Variants in TSPAN7 observed in about 807,000 individuals in gnomAD.
TSPAN7 encodes the protein tetraspanin 7, also known as tetraspanin-7.
A neutral mutation model predicts 17.6 loss-of-function variants in TSPAN7; 1 was observed. That is an observed-to-expected ratio of 0.06 (90% CI 0.02 to 0.27). The LOEUF (loss-of-function observed/expected upper bound fraction) is 0.27. Among genes scored for constraint, TSPAN7 ranks in the 10% least tolerant of loss-of-function variants. The pLI, the probability that TSPAN7 is intolerant of heterozygous loss-of-function variation, is 1.00. For missense variants in TSPAN7, 112 were observed against 201.7 expected (o/e 0.56, Z 2.69); for synonymous variants, 78 against 79.0 (o/e 0.99, Z 0.07).
At position 38,666,797 on chromosome X, in the gene TSPAN7, T is replaced by A. The variant is rs1010031953; in HGVS notation, c.270+488T>A. On this transcript the variant is annotated intron_variant, in intron 2 of 7. Transcript: ENST00000378482. ...TTGTATTTTTAGTAGAGACGGGGTT[T>A]CACCATGTTGGCCAGGATGGTCTTG... Among the ~76,000 whole-genome samples, 79 of 110,494 alleles carry A rather than the reference T, an allele frequency of 7.1e-4. 1 individual carries two copies. The highest frequency in any genetic ancestry group is 5.1e-3 in the Admixed American group (53 of 10,364).
intron 6 of TSPAN7, among the ~76,000 whole-genome samples, chrX:38,686,961 GA>G (rs1365244276): frequency 9.1e-6 from 1 of 110,493 alleles, no homozygotes; most frequent in African/African-American, 3.3e-5. Context: ...TTAGGCCTAA[GA>G]TATCTACATG....
chrX:38,641,804 G>C (rs1006488004), intron 1 of TSPAN7, among the ~76,000 whole-genome samples: 1 of 111,639 alleles, frequency 9.0e-6, no homozygotes, highest in African/African-American at 3.3e-5. Context: ...ATGAAAGAGA[G>C]AGTAAATAGG....
At chrX:38,672,216 TAAAAAG>T (rs765673139) in intron 3 of TSPAN7, among the ~76,000 whole-genome samples, 43 of 110,071 alleles carry the variant, frequency 3.9e-4, no homozygotes, top group Non-Finnish European at 6.4e-4. Flanking sequence ...ACACATGTGT[TAAAAAG>T]AAAAAGAAAA....
chrX:38,621,817 T>C (rs1602102462), intron 1 of TSPAN7, among the ~76,000 whole-genome samples: 1 of 112,406 alleles, frequency 8.9e-6, no homozygotes, highest in Non-Finnish European at 1.9e-5. Flanking sequence ...TTCAGAAACA[T>C]AGCATCCAAA....
intron 1 of TSPAN7, among the ~76,000 whole-genome samples, chrX:38,624,465 G>C (rs912985608): frequency 8.9e-6 from 1 of 112,155 alleles, no homozygotes; most frequent in Admixed American, 9.4e-5. Flanking sequence ...ACAGTCGAGA[G>C]ACTTCTCTGT....
At chrX:38,599,785 G>T (rs1229856240) in intron 1 of TSPAN7, among the ~76,000 whole-genome samples, 3 of 111,902 alleles carry the variant, frequency 2.7e-5, no homozygotes, top group Non-Finnish European at 5.7e-5. Context: ...TTTCTTCCAT[G>T]TTGCATATCA....
At chrX:38,650,101 G>A (rs1006277240) in intron 1 of TSPAN7, among the ~76,000 whole-genome samples, 50 of 112,127 alleles carry the variant, frequency 4.5e-4, no homozygotes, top group African/African-American at 1.6e-3. Flanking sequence ...GAAGAATGCA[G>A]CTGATGTGCA....
chrX:38,650,512 G>T (rs1391549752), intron 1 of TSPAN7, among the ~76,000 whole-genome samples: 1 of 111,675 alleles, frequency 9.0e-6, no homozygotes, highest in Non-Finnish European at 1.9e-5. Context: ...GGGCTTTCCT[G>T]TGCCCAGGAA....
intron 1 of TSPAN7, among the ~76,000 whole-genome samples, chrX:38,659,331 C>G (rs962560462): frequency 9.0e-6 from 1 of 111,653 alleles, no homozygotes; most frequent in Non-Finnish European, 1.9e-5. Flanking sequence ...AGAAATGAGC[C>G]AACTTTCCTA....
chrX:38,571,879 TGAG>T (rs918270644), intron 1 of TSPAN7, among the ~76,000 whole-genome samples: 7 of 111,399 alleles, frequency 6.3e-5, no homozygotes, highest in African/African-American at 2.3e-4. Flanking sequence ...AAAGCTGAAT[TGAG>T]GAGAGTATTC....
intron 1 of TSPAN7, chrX:38,566,305 G>A (rs1376560992): frequency 2.1e-6 from 2 of 949,996 alleles, no homozygotes; most frequent in South Asian, 2.1e-5. Flanking sequence ...CTCCTGATTT[G>A]TATGTTTTAT....
chrX:38,671,343 A>T (rs1355575241), intron 2 of TSPAN7, 33 bp from the exon 3 acceptor site: 3 of 1,196,387 alleles, frequency 2.5e-6, no homozygotes, highest in Non-Finnish European at 3.4e-6. Context: ...ATCCTGATGT[A>T]TCTGACTTTG....
chrX:38,670,391 C>T (rs1373440100), intron 2 of TSPAN7, among the ~76,000 whole-genome samples: 1 of 112,153 alleles, frequency 8.9e-6, no homozygotes, highest in East Asian at 2.8e-4. Context: ...TGAATTTAGG[C>T]GTGCTTGCAT....
chrX:38,670,929 G>A (rs899148004), intron 2 of TSPAN7, among the ~76,000 whole-genome samples: 1 of 112,373 alleles, frequency 8.9e-6, no homozygotes, highest in Non-Finnish European at 1.9e-5. Context: ...AATGGAATGG[G>A]CCGCAGGGAA....
chrX:38,625,094 C>T (rs1273296923), intron 1 of TSPAN7, among the ~76,000 whole-genome samples: 1 of 111,331 alleles, frequency 9.0e-6, no homozygotes, highest in Non-Finnish European at 1.9e-5. Flanking sequence ...TTTCCAGACC[C>T]CTGAGAACTA....
chrX:38,619,953 C>T (rs7879527), intron 1 of TSPAN7, among the ~76,000 whole-genome samples: 2,824 of 112,175 alleles, frequency 0.025, 113 homozygotes, highest in African/African-American at 0.087. Context: ...ATTCTTTTCC[C>T]TAAGACAATG....
At position 38,566,159 on chromosome X, in the gene TSPAN7, C is replaced by G. The variant is rs181222135; in HGVS notation, c.81+4532C>G. On this transcript the variant is annotated intron_variant, in intron 1 of 7. Transcript: ENST00000378482. ...ACAATCACGTGAGAAGAAAAACATT[C>G]TCTATTGTGTACTATATAATTATTT... Among the ~76,000 whole-genome samples the G allele has an allele frequency of 1.5e-3, 173 of 112,092 alleles. 1 individual carries two copies. Among genetic ancestry groups the G allele is most frequent in the Non-Finnish European group, 2.9e-3 (153 of 53,232 alleles).
At chrX:38,571,461 T>G (rs1244097609) in intron 1 of TSPAN7, among the ~76,000 whole-genome samples, 3 of 111,428 alleles carry the variant, frequency 2.7e-5, no homozygotes, top group Non-Finnish European at 1.9e-5. Flanking sequence ...AATAGTAGGC[T>G]TGGTTCACTT....
chrX:38,571,593 G>T (rs1375848910), intron 1 of TSPAN7, among the ~76,000 whole-genome samples: 1 of 111,069 alleles, frequency 9.0e-6, no homozygotes, highest in Non-Finnish European at 1.9e-5. Flanking sequence ...AACCAAAATG[G>T]CCTTGCACTC....
Sources: gnomAD v4.1 joint callset for allele counts (sites outside exome capture counted in the v4.1 genomes callset) on GRCh38, gnomAD v4.1.1 for gene constraint, MANE v1.5 for transcripts, NCBI Gene and HGNC (gene_info 2026-07-23, HGNC 2026-07-21) for gene names.